The following LCORL variants were observed in gnomAD, a reference collection of about 807,000 sequenced individuals.
LCORL encodes the protein ligand-dependent nuclear receptor corepressor-like protein.
In LCORL, 41 loss-of-function variants were observed where a neutral mutation model predicts 141.8. The ratio of observed to expected loss-of-function variants is 0.29; its 90% CI spans 0.23 to 0.38. LCORL has a LOEUF of 0.38. Ranked by LOEUF, LCORL falls within the 10% of genes least tolerant of loss-of-function variation. The pLI is 1.00. For missense variants in LCORL, 1,759 were observed against 2,035.0 expected, an observed-to-expected ratio of 0.86 and a Z score of 2.61; for synonymous variants, 618 against 694.1, an observed-to-expected ratio of 0.89 and a Z score of 1.72.
intron 1 of LCORL, among the ~76,000 whole-genome samples, chr4:17,995,745 C>G (rs542561767): frequency 6.6e-6 from 1 of 152,104 alleles, no homozygotes; most frequent in African/African-American, 2.4e-5. Context: ...TAGTCTCACC[C>G]TCTCATTAGC....
intron 5 of LCORL, among the ~76,000 whole-genome samples, chr4:17,901,595 C>T (rs1168891320): frequency 6.6e-6 from 1 of 151,976 alleles, no homozygotes; most frequent in Non-Finnish European, 1.5e-5. Context: ...ACACAGCACA[C>T]AAGGGAAACA....
intron 4 of LCORL, among the ~76,000 whole-genome samples, chr4:17,917,451 C>A (rs1733632955): frequency 6.6e-6 from 1 of 152,236 alleles, no homozygotes; most frequent in Non-Finnish European, 1.5e-5. Context: ...CCCTGGCCTC[C>A]CAAAGTGCTG....
intron 4 of LCORL, chr4:17,911,946 C>T (rs1244849259): frequency 1.7e-6 from 1 of 581,088 alleles, no homozygotes; most frequent in Non-Finnish European, 3.3e-6. Context: ...ATGGCCAGAC[C>T]ATGCAAAGCC....
chr4:17,967,591 C>T (rs1715156525), intron 2 of LCORL, among the ~76,000 whole-genome samples: 1 of 152,124 alleles, frequency 6.6e-6, no homozygotes, highest in Non-Finnish European at 1.5e-5. Context: ...TACCTTTATA[C>T]TTATTTACCA....
chr4:17,943,712 AGCCCATGTAGAATGAG>A (rs1738352031), intron 4 of LCORL, among the ~76,000 whole-genome samples: 1 of 152,218 alleles, frequency 6.6e-6, no homozygotes, highest in South Asian at 2.1e-4. Context: ...TGGTCTCAAT[AGCCCATGTAGAATGAG>A]GAATATGCCA....
At chr4:17,923,625 G>A (rs1734643664) in intron 4 of LCORL, among the ~76,000 whole-genome samples, 1 of 152,058 alleles carries the variant, frequency 6.6e-6, no homozygotes, top group African/African-American at 2.4e-5. Context: ...CAGCCTCGGT[G>A]ACAGAGTGAG....
intron 1 of LCORL, among the ~76,000 whole-genome samples, chr4:17,998,985 A>AAATATATATAT (rs1374815646): frequency 3.6e-4 from 21 of 57,894 alleles, no homozygotes; most frequent in South Asian, 2.3e-3. Flanking sequence ...AAAAAAAAAA[A>AAATATATATAT]ATATATATAT....
chr4:17,973,648 T>A (rs1375797124), intron 1 of LCORL, among the ~76,000 whole-genome samples: 3 of 151,794 alleles, frequency 2.0e-5, no homozygotes, highest in Non-Finnish European at 4.4e-5. Flanking sequence ...GTAAGCCGTG[T>A]GTGGATTTGG....
chr4:17,966,328 C>T (rs1227779165), intron 2 of LCORL, among the ~76,000 whole-genome samples: 2 of 152,010 alleles, frequency 1.3e-5, no homozygotes, highest in Admixed American at 6.6e-5. Context: ...GACTGGCCAT[C>T]ACTACTGATC....
At chr4:17,876,330 A>G in exon 7 of LCORL, 1 of 1,231,012 alleles carries the variant, frequency 8.1e-7, no homozygotes, top group Non-Finnish European at 1.0e-6. Context: ...TTTGCATGTC[A>G]TTCTATTTAG....
chr4:18,009,615 C>A (rs1577724031), intron 1 of LCORL, among the ~76,000 whole-genome samples: 1 of 152,030 alleles, frequency 6.6e-6, no homozygotes, highest in Non-Finnish European at 1.5e-5. Flanking sequence ...GGCTGCAATC[C>A]TACATGGGTC....
chr4:17,856,929 C>G (rs1349402282), intron 7 of LCORL, among the ~76,000 whole-genome samples: 2 of 152,142 alleles, frequency 1.3e-5, no homozygotes. Context: ...GCTTTGTTTT[C>G]TATGTTTGTT....
intron 4 of LCORL, among the ~76,000 whole-genome samples, chr4:17,955,911 G>A (rs1712524706): frequency 6.6e-6 from 1 of 152,038 alleles, no homozygotes; most frequent in Non-Finnish European, 1.5e-5. Flanking sequence ...AGTGAAAGTG[G>A]TGTGGTCTAT....
exon 8 of LCORL, chr4:17,842,378 A>G (rs2109073853): frequency 1.2e-5 from 20 of 1,611,508 alleles, no homozygotes; most frequent in Non-Finnish European, 1.6e-5. Context: ...CGACTCTGAA[A>G]GGTATGTCAT....
intron 7 of LCORL, among the ~76,000 whole-genome samples, chr4:17,848,341 AAGT>A (rs1264414665): frequency 6.6e-6 from 1 of 152,180 alleles, no homozygotes; most frequent in Admixed American, 6.5e-5. Flanking sequence ...TACAGCTAGA[AAGT>A]ATCTTTCTAG....
At chr4:17,938,790 G>C (rs1235672431) in intron 4 of LCORL, among the ~76,000 whole-genome samples, 1 of 152,114 alleles carries the variant, frequency 6.6e-6, no homozygotes, top group Admixed American at 6.5e-5. Context: ...CACTCAAAAA[G>C]TAAAGTTGCT....
intron 1 of LCORL, among the ~76,000 whole-genome samples, chr4:18,016,600 T>C (rs571396001): frequency 6.6e-6 from 1 of 152,262 alleles, no homozygotes; most frequent in Non-Finnish European, 1.5e-5. Flanking sequence ...TGGGATGTGC[T>C]ATCAATGTAA....
chr4:17,962,547 A>T (rs1394436177), intron 3 of LCORL, among the ~76,000 whole-genome samples: 1 of 152,066 alleles, frequency 6.6e-6, no homozygotes, highest in Non-Finnish European at 1.5e-5. Context: ...GATAATTATG[A>T]TATCCAAAAG....
chr4:17,874,836 T>C (rs1027791068), exon 7 of LCORL: 30 of 1,233,706 alleles, frequency 2.4e-5, no homozygotes, highest in Middle Eastern at 2.1e-4. Flanking sequence ...TGGGGTATCT[T>C]TGTAAGCTAT....
Sources: gnomAD v4.1 joint callset for allele counts (sites outside exome capture counted in the v4.1 genomes callset) on GRCh38, gnomAD v4.1.1 for gene constraint, MANE v1.5 for transcripts, NCBI Gene and HGNC (gene_info 2026-07-23, HGNC 2026-07-21) for gene names.